MGAT5: variants seen among roughly 807,000 people sequenced by gnomAD.
MGAT5 encodes alpha-1,6-mannosylglycoprotein 6-beta-N-acetylglucosaminyltransferase A.
Under a neutral mutation model 94.3 loss-of-function variants are expected in MGAT5, and 30 were observed. The observed-to-expected ratio is 0.32, with a 90% CI of 0.24 to 0.43. MGAT5 has a LOEUF of 0.43. Among genes scored for constraint, MGAT5 ranks in the 20% least tolerant of loss-of-function variants. The pLI is 1.00. For synonymous variants in MGAT5, 310 were observed against 322.9 expected, an observed-to-expected ratio of 0.96 and a Z score of 0.43; for missense variants, 691 against 905.5, an observed-to-expected ratio of 0.76 and a Z score of 3.04.
intron 1 of MGAT5, among the ~76,000 whole-genome samples, chr2:134,170,306 C>G (rs1045597809): frequency 1.3e-5 from 2 of 152,210 alleles, no homozygotes; most frequent in African/African-American, 4.8e-5. Context: ...TCAAGGCTGT[C>G]TCAGACACAT....
intron 11 of MGAT5, among the ~76,000 whole-genome samples, chr2:134,406,147 C>T (rs1401832536): frequency 6.6e-6 from 1 of 152,186 alleles, no homozygotes; most frequent in Non-Finnish European, 1.5e-5. Context: ...CTTTCTTCAT[C>T]TTCCTGGATT....
intron 1 of MGAT5, among the ~76,000 whole-genome samples, chr2:134,153,441 C>T (rs1410192103): frequency 6.6e-6 from 1 of 152,156 alleles, no homozygotes; most frequent in African/African-American, 2.4e-5. Flanking sequence ...CTCAGGCTGC[C>T]TGTCATTGGC....
At chr2:134,244,749 C>G (rs141901899) in intron 1 of MGAT5, among the ~76,000 whole-genome samples, 1 of 152,066 alleles carries the variant, frequency 6.6e-6, no homozygotes, top group Non-Finnish European at 1.5e-5. Flanking sequence ...TAAGGCAGTC[C>G]CTCTCAACCG....
intron 10 of MGAT5, among the ~76,000 whole-genome samples, chr2:134,386,362 G>A (rs1339122891): frequency 6.6e-6 from 1 of 152,212 alleles, no homozygotes; most frequent in Non-Finnish European, 1.5e-5. Context: ...ATGCAAATGG[G>A]TTGGTGTATC....
intron 14 of MGAT5, among the ~76,000 whole-genome samples, chr2:134,437,669 CTT>C (rs1038274870): frequency 5.3e-5 from 8 of 152,114 alleles, no homozygotes; most frequent in African/African-American, 1.4e-4. Flanking sequence ...TTTAAAATCT[CTT>C]TATTATAAAA....
At chr2:134,319,802 TG>T in intron 4 of MGAT5, 1 of 399,312 alleles carries the variant, frequency 2.5e-6, no homozygotes, top group Admixed American at 2.8e-5. Flanking sequence ...GGGTGCATTC[TG>T]GGTCCGTACA....
chr2:134,434,697 T>G (rs1256660841), intron 14 of MGAT5, among the ~76,000 whole-genome samples: 1 of 152,106 alleles, frequency 6.6e-6, no homozygotes, highest in Non-Finnish European at 1.5e-5. Context: ...AAAACCCAGA[T>G]GGCCTTCCCT....
At chr2:134,133,531 G>A (rs1686270917) in intron 1 of MGAT5, among the ~76,000 whole-genome samples, 1 of 152,174 alleles carries the variant, frequency 6.6e-6, no homozygotes, top group South Asian at 2.1e-4. Flanking sequence ...TTAAACTACA[G>A]CATGAAGAGC....
intron 1 of MGAT5, among the ~76,000 whole-genome samples, chr2:134,129,624 T>C (rs769727906): frequency 1.3e-5 from 2 of 152,196 alleles, no homozygotes; most frequent in African/African-American, 4.8e-5. Flanking sequence ...TGCCAAAATA[T>C]TGGTATTTAA....
In MGAT5 at chr2:134,155,934, TC is replaced by T. The variant is rs959295192; in HGVS notation, c.-143+35647del. Among the ~76,000 whole-genome samples the T allele has an allele frequency of 5.0e-4, 76 of 152,092 alleles. 1 individual carries two copies. Among genetic ancestry groups the T allele is most frequent in the African/African-American group, 1.8e-3 (73 of 41,496 alleles). On this transcript the variant is annotated intron_variant, in intron 1 of 16. Coordinates refer to the MGAT5 transcript ENST00000409645. ...CCTGGACCCCTCAGCTGAGAGCAGA[TC>T]CCCATTATTCTCTGCTGCTCTCCCC...
chr2:134,235,849 G>C (rs189079879), intron 1 of MGAT5, among the ~76,000 whole-genome samples: 1 of 151,836 alleles, frequency 6.6e-6, no homozygotes, highest in Non-Finnish European at 1.5e-5. Context: ...AAGGGGAGGG[G>C]GCACAGTCAA....
intron 10 of MGAT5, among the ~76,000 whole-genome samples, chr2:134,402,707 C>T (rs1558860434): frequency 6.6e-6 from 1 of 152,234 alleles, no homozygotes; most frequent in Admixed American, 6.5e-5. Flanking sequence ...TAATGTATTT[C>T]CTCTTGCAAA....
At chr2:134,198,377 A>G (rs1031695787) in intron 1 of MGAT5, among the ~76,000 whole-genome samples, 3 of 152,216 alleles carry the variant, frequency 2.0e-5, no homozygotes, top group African/African-American at 7.2e-5. Flanking sequence ...CAGACTAGCA[A>G]GCAGCTTCAG....
intron 2 of MGAT5, among the ~76,000 whole-genome samples, chr2:134,282,900 G>A (rs11903491): frequency 0.092 from 14,008 of 151,876 alleles, 1,514 homozygotes; most frequent in African/African-American, 0.26. Flanking sequence ...CTGTACAACA[G>A]CCCAGGGCAC....
intron 1 of MGAT5, among the ~76,000 whole-genome samples, chr2:134,189,602 G>GTTTTGTTTTGTTTTTTTTTTTTTT (rs1553490380): frequency 9.4e-5 from 8 of 84,672 alleles, no homozygotes; most frequent in African/African-American, 3.8e-4. Flanking sequence ...GTTTTTTTTT[G>GTTTTGTTTTGTTTTTTTTTTTTTT]TTTTTTTTTT....
At chr2:134,319,865 A>G (rs1039347549) in intron 4 of MGAT5, 2 of 255,306 alleles carry the variant, frequency 7.8e-6, no homozygotes, top group South Asian at 7.5e-5. Flanking sequence ...TGTATGCTCA[A>G]TTTGGTAACC....
chr2:134,173,043 C>T (rs1166018161), intron 1 of MGAT5, among the ~76,000 whole-genome samples: 2 of 152,126 alleles, frequency 1.3e-5, no homozygotes, highest in Non-Finnish European at 2.9e-5. Context: ...CTATCTAAGG[C>T]TTCTCTCTAG....
chr2:134,148,842 T>G (rs1687046287), intron 1 of MGAT5, among the ~76,000 whole-genome samples: 1 of 139,838 alleles, frequency 7.2e-6, no homozygotes, highest in East Asian at 2.3e-4. Flanking sequence ...CACCGCAACC[T>G]CTGCCTCCCT....
chr2:134,343,479 A>G (rs960091785), intron 7 of MGAT5, among the ~76,000 whole-genome samples: 3 of 152,182 alleles, frequency 2.0e-5, no homozygotes, highest in Non-Finnish European at 2.9e-5. Flanking sequence ...GTTTTGTTTA[A>G]GAAGATAATT....
Sources: allele counts gnomAD v4.1 joint callset (sites outside exome capture counted in the v4.1 genomes callset), GRCh38; gene constraint gnomAD v4.1.1; transcripts MANE v1.5; gene names NCBI Gene and HGNC (gene_info 2026-07-23, HGNC 2026-07-21).